Variants in PRKCQ observed in about 807,000 individuals in gnomAD.
PRKCQ encodes protein kinase C theta.
In PRKCQ, 41 loss-of-function variants were observed where a neutral mutation model predicts 91.2. That is an observed-to-expected ratio of 0.45 (90% CI 0.35 to 0.58). PRKCQ has a LOEUF of 0.58. Among genes scored for constraint, PRKCQ ranks in the 20% least tolerant of loss-of-function variants. The pLI, the probability that PRKCQ is intolerant of heterozygous loss-of-function variation, is 0.00. For missense variants in PRKCQ, 673 were observed against 896.5 expected, an observed-to-expected ratio of 0.75 and a Z score of 3.18; for synonymous variants, 307 against 316.9, an observed-to-expected ratio of 0.97 and a Z score of 0.33.
At chr10:6,452,376 G>A (rs1834742214) in intron 15 of PRKCQ, among the ~76,000 whole-genome samples, 1 of 151,882 alleles carries the variant, frequency 6.6e-6, no homozygotes, top group African/African-American at 2.4e-5. Context: ...GGACATGAAG[G>A]ACCTCTTCAA....
intron 1 of PRKCQ, among the ~76,000 whole-genome samples, chr10:6,551,122 T>C (rs1303993722): frequency 6.6e-6 from 1 of 152,128 alleles, no homozygotes; most frequent in Non-Finnish European, 1.5e-5. Context: ...TGGTACCTAA[T>C]AGTTATTTTT....
chr10:6,428,761 G>C (rs970272461), intron 17 of PRKCQ, among the ~76,000 whole-genome samples: 1 of 152,112 alleles, frequency 6.6e-6, no homozygotes, highest in Admixed American at 6.6e-5. Flanking sequence ...GAGTGAGGGG[G>C]TGTGAGCGGA....
At chr10:6,496,216 CAAAA>C (rs199934718) in intron 7 of PRKCQ, among the ~76,000 whole-genome samples, 8 of 94,210 alleles carry the variant, frequency 8.5e-5, no homozygotes, top group Admixed American at 3.1e-4. Context: ...GATTCCATCT[CAAAA>C]AAAAAAAAAA....
rs1360805189 is a variant in PRKCQ at position 6,486,040 on chromosome 10, G to C, written c.895C>G (p.Gln299Glu). ...TCCACGGCACATGCTCCTACCTGTT[G>C]AGTGCTCTCAATCATGGCCAGCGCT... ...AEALAMIEST[Q>E]QARCLRDTEQ... Residue 299 changes from glutamine (Q) to glutamate (E), a missense_variant, in exon 9 of 18, where the codon CAA (glutamine) becomes GAA (glutamate). Gln to Glu is a conservative substitution (Grantham distance 29). Transcript: ENST00000263125. 6.2e-7 allele frequency: 1 copy of C among 1,613,582 alleles called. No individual in the cohort carries two copies. The highest frequency in any genetic ancestry group is 1.1e-5 in the South Asian group (1 of 91,070).
chr10:6,477,863 G>T (rs751053270), intron 12 of PRKCQ, among the ~76,000 whole-genome samples: 10 of 152,120 alleles, frequency 6.6e-5, no homozygotes, highest in Admixed American at 6.5e-4. Flanking sequence ...GTGAGACTCC[G>T]TCTCAAAACA....
intron 1 of PRKCQ, among the ~76,000 whole-genome samples, chr10:6,525,681 C>G (rs1196828054): frequency 4.6e-5 from 7 of 152,202 alleles, no homozygotes; most frequent in African/African-American, 1.7e-4. Context: ...CACTCTTACT[C>G]TAAGTCCACG....
chr10:6,398,193 G>A, the PRKCQ span, among the ~76,000 whole-genome samples: 2 of 152,160 alleles, frequency 1.3e-5, no homozygotes, highest in African/African-American at 4.8e-5. Flanking sequence ...GACCATAAAT[G>A]TATAGGCTTA....
At chr10:6,547,150 AT>A (rs1198910400) in intron 1 of PRKCQ, among the ~76,000 whole-genome samples, 1 of 152,140 alleles carries the variant, frequency 6.6e-6, no homozygotes, top group Non-Finnish European at 1.5e-5. Flanking sequence ...TTTATTGAGG[AT>A]TTTTGTGGGA....
chr10:6,404,566 CTTCT>C, the PRKCQ span, among the ~76,000 whole-genome samples: 55,484 of 136,208 alleles, frequency 0.41, 12,579 homozygotes, highest in East Asian at 0.78. Flanking sequence ...TCCTTTCTTC[CTTCT>C]TTCTCTTTCT....
the PRKCQ span, among the ~76,000 whole-genome samples, chr10:6,414,378 T>C: frequency 6.6e-6 from 1 of 152,192 alleles, no homozygotes; most frequent in Non-Finnish European, 1.5e-5. Context: ...AATACAGAAA[T>C]GTCCAGTTCT....
the PRKCQ span, among the ~76,000 whole-genome samples, chr10:6,400,450 A>G: frequency 1.3e-5 from 2 of 152,098 alleles, no homozygotes. Flanking sequence ...AGGTGAGATG[A>G]CTTAATACTG....
At chr10:6,564,799 G>A (rs1336372564) in intron 1 of PRKCQ, among the ~76,000 whole-genome samples, 1 of 152,120 alleles carries the variant, frequency 6.6e-6, no homozygotes, top group Non-Finnish European at 1.5e-5. Flanking sequence ...AATGCTCTGG[G>A]TCAAATAAAC....
At chr10:6,443,240 G>A (rs993058401) in intron 15 of PRKCQ, among the ~76,000 whole-genome samples, 2 of 152,194 alleles carry the variant, frequency 1.3e-5, no homozygotes, top group Non-Finnish European at 2.9e-5. Context: ...AACAAACTGT[G>A]CCTAAGCTTC....
intron 12 of PRKCQ, among the ~76,000 whole-genome samples, chr10:6,472,960 C>T (rs771883986): frequency 5.9e-5 from 9 of 152,190 alleles, no homozygotes; most frequent in African/African-American, 1.7e-4. Context: ...GTGATCCACC[C>T]GCTTCAGCCT....
chr10:6,562,832 G>T (rs1840684576), intron 1 of PRKCQ, among the ~76,000 whole-genome samples: 1 of 151,992 alleles, frequency 6.6e-6, no homozygotes, highest in Non-Finnish European at 1.5e-5. Flanking sequence ...GGATTAAATG[G>T]GTTAATGGAT....
chr10:6,402,334 A>G, the PRKCQ span, among the ~76,000 whole-genome samples: 37,604 of 144,924 alleles, frequency 0.26, 5,304 homozygotes, highest in Non-Finnish European at 0.31. Context: ...CTTAAACTAT[A>G]ATTTTAAAAA....
rs375359681 is a variant in PRKCQ at position 6,462,372 on chromosome 10, G to A, written c.1446-7C>T. 45 of 1,613,282 alleles carry A rather than the reference G, an allele frequency of 2.8e-5. No homozygotes were observed. In the African/African-American group the frequency reaches 4.0e-4, roughly 14 times the overall value. On this transcript the variant is annotated splice_polypyrimidine_tract_variant and splice_region_variant and intron_variant, in intron 13 of 17. Coordinates refer to ENST00000263125, the MANE Select transcript of PRKCQ (RefSeq NM_006257.5). ...GATTTCAGCAGCATAAAACCTGGGG[G>A]AAGGAGAACCAAGGTTCAACATGAA...
At chr10:6,499,621 TG>T (rs1335807459) in intron 4 of PRKCQ, among the ~76,000 whole-genome samples, 1 of 152,228 alleles carries the variant, frequency 6.6e-6, no homozygotes, top group Non-Finnish European at 1.5e-5. Flanking sequence ...GTTATAATTT[TG>T]TAATAGCTTG....
intron 4 of PRKCQ, among the ~76,000 whole-genome samples, chr10:6,503,914 C>G (rs1838049784): frequency 6.6e-6 from 1 of 152,018 alleles, no homozygotes; most frequent in Non-Finnish European, 1.5e-5. Flanking sequence ...GTAGGTGGGA[C>G]TACAGGCATG....
Sources: gnomAD v4.1 joint callset for allele counts (sites outside exome capture counted in the v4.1 genomes callset) on GRCh38, gnomAD v4.1.1 for gene constraint, MANE v1.5 for transcripts, NCBI Gene and HGNC (gene_info 2026-07-23, HGNC 2026-07-21) for gene names.